ZFHX3: variants seen among roughly 807,000 people sequenced by gnomAD.
ZFHX3 encodes the protein zinc finger homeobox 3, also known as zinc finger homeobox protein 3.
Under a neutral mutation model 279.1 loss-of-function variants are expected in ZFHX3, and 42 were observed. The observed-to-expected ratio is 0.15, with a 90% confidence interval of 0.12 to 0.19. ZFHX3 has a LOEUF of 0.19. ZFHX3 is among the 10% of genes least tolerant of loss of function. The probability of loss-of-function intolerance (pLI) is 1.00; values close to 1 mark genes in which losing one functional copy is unlikely to be tolerated. For missense variants in ZFHX3, 4,981 were observed against 4,754.0 expected (o/e 1.05, Z -1.40); for synonymous variants, 2,293 against 1,957.8 (o/e 1.17, Z -4.52).
intron 3 of ZFHX3, among the ~76,000 whole-genome samples, chr16:73,448,423 C>T (rs1307571236): frequency 1.3e-5 from 2 of 152,036 alleles, no homozygotes; most frequent in Non-Finnish European, 2.9e-5. Context: ...AGGGAAAAAA[C>T]TGCGGACTAA....
intron 2 of ZFHX3, among the ~76,000 whole-genome samples, chr16:73,572,292 C>T (rs188328362): frequency 1.8e-4 from 28 of 151,752 alleles, no homozygotes; most frequent in African/African-American, 5.3e-4. Flanking sequence ...TAAGAGTGTG[C>T]TAGGAATTCC....
At chr16:73,336,936 G>A (rs887962094) in intron 3 of ZFHX3, among the ~76,000 whole-genome samples, 4 of 151,762 alleles carry the variant, frequency 2.6e-5, no homozygotes, top group African/African-American at 9.7e-5. Flanking sequence ...GCACCCTGTC[G>A]AGCCTTAATA....
In ZFHX3 at chr16:72,988,425, C is replaced by T. The variant is rs145201530; in HGVS notation, c.-49-28231G>A. Among the ~76,000 whole-genome samples the T allele has an allele frequency of 2.8e-3, 432 of 152,338 alleles. 3 individuals are homozygous for T. The highest frequency in any genetic ancestry group is 9.9e-3 in the African/African-American group (413 of 41,580). The stretch of plus-strand genomic sequence containing the variant: ...AGCCACTGGATCAGGAAGCTGTGGC[C>T]ATCGAGGGGTCGATATGCAGGCTGG... On this transcript the variant is annotated intron_variant, in intron 1 of 9. Coordinates refer to ENST00000268489, the MANE Select transcript of ZFHX3 (RefSeq NM_006885.4).
At chr16:73,792,216 T>A (rs1043532884) in intron 1 of ZFHX3, among the ~76,000 whole-genome samples, 1 of 152,210 alleles carries the variant, frequency 6.6e-6, no homozygotes, top group Admixed American at 6.5e-5. Context: ...AAAGATCTAT[T>A]TTATGTATTC....
At chr16:72,893,619 A>G (rs537985888) in intron 3 of ZFHX3, among the ~76,000 whole-genome samples, 1 of 152,356 alleles carries the variant, frequency 6.6e-6, no homozygotes, top group Admixed American at 6.5e-5. Context: ...ACAATCTCTT[A>G]CACTGCCATG....
chr16:72,800,142 A>G lies in ZFHX3; in HGVS notation c.3865-13T>C. The G allele has an allele frequency of 6.2e-7, 1 of 1,606,428 alleles. No individual in the cohort carries two copies. The highest frequency in any genetic ancestry group is 1.3e-5 in the African/African-American group (1 of 74,904). On this transcript the variant is annotated splice_polypyrimidine_tract_variant and intron_variant, in intron 7 of 9. Transcript: ENST00000268489. Reference sequence around the variant, plus strand: ...CAGGGGTGGTCACCTGAGGAGCAAGAGCAAGGAGAGTCAAATGGAGAGGAA... The same window carrying G: ...CAGGGGTGGTCACCTGAGGAGCAAGGGCAAGGAGAGTCAAATGGAGAGGAA...
In ZFHX3 at chr16:72,800,124, G is replaced by A. The variant is rs373609465; in HGVS notation, c.3870C>T (p.Thr1290=). The A allele has an allele frequency of 6.2e-4, 1,008 of 1,613,130 alleles. 11 individuals carry two copies. The East Asian group carries it at 8.1e-3, about 13-fold the overall frequency. Residue 1290 remains threonine (T), a synonymous_variant, in exon 8 of 10, where the codon ACC becomes ACT. Transcript: ENST00000268489. The part of the protein sequence containing the change: ...DCVEKLIMTV[T]TPEMVMPSSM... ...TGCTTGGCATCACCATCTCAGGGGT[G>A]GTCACCTGAGGAGCAAGAGCAAGGA...
intron 5 of ZFHX3, among the ~76,000 whole-genome samples, chr16:73,207,315 T>C (rs551149489): frequency 3.3e-5 from 5 of 152,208 alleles, no homozygotes; most frequent in Admixed American, 3.3e-4. Flanking sequence ...TGCTCTTTTA[T>C]GAAGTAAACG....
chr16:73,607,461 G>A (rs536810859), intron 2 of ZFHX3, among the ~76,000 whole-genome samples: 20 of 152,248 alleles, frequency 1.3e-4, no homozygotes, highest in African/African-American at 2.2e-4. Flanking sequence ...ACCTGCACGC[G>A]TATGTTCATT....
intron 5 of ZFHX3, among the ~76,000 whole-genome samples, chr16:72,820,377 C>T (rs2036754308): frequency 2.6e-5 from 4 of 152,182 alleles, no homozygotes; most frequent in African/African-American, 9.7e-5. Flanking sequence ...AAGGCCATTC[C>T]ACATTTCAAT....
chr16:73,686,049 A>T (rs1464754494), intron 1 of ZFHX3, among the ~76,000 whole-genome samples: 1 of 152,212 alleles, frequency 6.6e-6, no homozygotes, highest in African/African-American at 2.4e-5. Flanking sequence ...CAACATGCTT[A>T]TGTGAATTTC....
intron 8 of ZFHX3, among the ~76,000 whole-genome samples, chr16:73,072,506 AC>A (rs1229923690): frequency 6.6e-6 from 1 of 151,648 alleles, no homozygotes; most frequent in African/African-American, 2.4e-5. Context: ...CCCTACTAAG[AC>A]CTAGAGGTGG....
chr16:73,775,892 A>G (rs1959231714), intron 1 of ZFHX3, among the ~76,000 whole-genome samples: 1 of 152,152 alleles, frequency 6.6e-6, no homozygotes, highest in Admixed American at 6.6e-5. Flanking sequence ...CTGAGGATGT[A>G]GACTCTTGGA....
chr16:73,433,511 T>G (rs867762238), intron 3 of ZFHX3, among the ~76,000 whole-genome samples: 13 of 152,202 alleles, frequency 8.5e-5, no homozygotes, highest in Middle Eastern at 6.8e-3. Flanking sequence ...GTTTATAAGT[T>G]TTCAAATCCA....
chr16:73,685,055 G>A (rs755217427), intron 1 of ZFHX3, among the ~76,000 whole-genome samples: 4 of 145,336 alleles, frequency 2.8e-5, no homozygotes, highest in East Asian at 2.1e-4. Flanking sequence ...TCACTCTGTC[G>A]CCAGGCTGGA....
chr16:72,874,754 A>G (rs1387974851), intron 4 of ZFHX3, among the ~76,000 whole-genome samples: 1 of 151,986 alleles, frequency 6.6e-6, no homozygotes, highest in Non-Finnish European at 1.5e-5. Flanking sequence ...ACGGCCTCCC[A>G]AAGTGCTGGC....
intron 5 of ZFHX3, among the ~76,000 whole-genome samples, chr16:73,181,060 C>T (rs1967780766): frequency 6.8e-6 from 1 of 147,838 alleles, no homozygotes; most frequent in South Asian, 2.1e-4. Context: ...GGAAGCAAGG[C>T]TGCAGCTAGT....
At chr16:73,212,397 T>C (rs1365431266) in intron 5 of ZFHX3, among the ~76,000 whole-genome samples, 1 of 152,266 alleles carries the variant, frequency 6.6e-6, no homozygotes, top group African/African-American at 2.4e-5. Flanking sequence ...CTTCATACTT[T>C]ATAAAGGCTG....
chr16:73,861,056 T>G (rs1370143028), intron 1 of ZFHX3, among the ~76,000 whole-genome samples: 1 of 151,840 alleles, frequency 6.6e-6, no homozygotes, highest in Admixed American at 6.6e-5. Flanking sequence ...CTTGGCCTTC[T>G]GGGCTCAAGT....
Sources: gnomAD v4.1 joint callset for allele counts (sites outside exome capture counted in the v4.1 genomes callset) on GRCh38, gnomAD v4.1.1 for gene constraint, MANE v1.5 for transcripts, NCBI Gene and HGNC (gene_info 2026-07-23, HGNC 2026-07-21) for gene names.